The following CDK6 variants were observed in gnomAD, a reference collection of about 807,000 sequenced individuals.
CDK6 encodes cyclin-dependent kinase 6.
Under a neutral mutation model 37.1 loss-of-function variants are expected in CDK6, and 6 were observed. The observed-to-expected ratio is 0.16, with a 90% CI of 0.09 to 0.32. The LOEUF (loss-of-function observed/expected upper bound fraction) is 0.32, where lower values mean the gene tolerates loss of function less well. Among genes scored for constraint, CDK6 ranks in the 10% least tolerant of loss-of-function variants. The pLI is 1.00. For synonymous variants in CDK6, 160 were observed against 161.3 expected, an observed-to-expected ratio of 0.99 and a Z score of 0.06; for missense variants, 224 against 418.9, an observed-to-expected ratio of 0.53 and a Z score of 4.06.
At chr7:92,632,778 A>C (rs1464193921) in intron 5 of CDK6, among the ~76,000 whole-genome samples, 1 of 150,418 alleles carries the variant, frequency 6.6e-6, no homozygotes, top group African/African-American at 2.5e-5. Context: ...AAAAATAAAA[A>C]ATTTAAAAAG....
chr7:92,751,792 C>T (rs969933286), intron 3 of CDK6, among the ~76,000 whole-genome samples: 2 of 151,880 alleles, frequency 1.3e-5, no homozygotes, highest in Non-Finnish European at 2.9e-5. Flanking sequence ...TCATTTATAC[C>T]ATGTGGTTTA....
At chr7:92,788,733 T>A (rs1800206180) in intron 2 of CDK6, among the ~76,000 whole-genome samples, 1 of 152,094 alleles carries the variant, frequency 6.6e-6, no homozygotes, top group South Asian at 2.1e-4. Context: ...GAGAAGCAAC[T>A]CATCACACAC....
chr7:92,769,393 G>C (rs1038443388), intron 3 of CDK6, among the ~76,000 whole-genome samples: 4 of 152,088 alleles, frequency 2.6e-5, no homozygotes, highest in African/African-American at 9.7e-5. Context: ...GAGGCCATAT[G>C]GTCTTGAGCT....
At chr7:92,657,097 T>A (rs1796716012) in intron 5 of CDK6, among the ~76,000 whole-genome samples, 1 of 152,040 alleles carries the variant, frequency 6.6e-6, no homozygotes, top group Non-Finnish European at 1.5e-5. Flanking sequence ...ATGTGTATGT[T>A]TTTCTCTTAA....
At chr7:92,620,674 G>C (rs993167081) in intron 6 of CDK6, among the ~76,000 whole-genome samples, 1 of 152,060 alleles carries the variant, frequency 6.6e-6, no homozygotes, top group Non-Finnish European at 1.5e-5. Context: ...TTGGAAGGCC[G>C]AGGCAAGTGG....
intron 2 of CDK6, among the ~76,000 whole-genome samples, chr7:92,831,717 C>T (rs1171883309): frequency 6.6e-6 from 1 of 152,120 alleles, no homozygotes; most frequent in Admixed American, 6.6e-5. Context: ...CCATTTACTG[C>T]CTTATTTATA....
rs78025217 is a variant in CDK6, at chr7:92,717,383, G to C, written c.537+8243C>G. Among the ~76,000 whole-genome samples, 229 of 146,938 alleles carry C rather than the reference G, an allele frequency of 1.6e-3. 1 individual carries two copies. The highest frequency in any genetic ancestry group is 5.5e-3 in the African/African-American group (219 of 39,812). On this transcript the variant is annotated intron_variant, in intron 4 of 7. Transcript: ENST00000424848. ...AGGAAAGGGAAAGGGGAAGGAGAAG[G>C]GGAAAGGAAAGGAAAAAGGAAGGAA...
chr7:92,815,349 C>A (rs934002630), intron 2 of CDK6, among the ~76,000 whole-genome samples: 3 of 152,106 alleles, frequency 2.0e-5, no homozygotes, highest in African/African-American at 7.2e-5. Flanking sequence ...GAAATGAGAG[C>A]CAGCAGGGAG....
At chr7:92,774,629 G>A (rs1799801064) in intron 3 of CDK6, 67 bp downstream of exon 3, 12 of 1,357,230 alleles carry the variant, frequency 8.8e-6, no homozygotes, top group African/African-American at 3.0e-5. Flanking sequence ...CATAAGGAAA[G>A]AAAGCCATTG....
intron 5 of CDK6, among the ~76,000 whole-genome samples, chr7:92,647,606 G>T (rs1796480956): frequency 6.6e-6 from 1 of 152,244 alleles, no homozygotes; most frequent in South Asian, 2.1e-4. Context: ...TTTATTGAAT[G>T]CTGACTATGT....
intron 2 of CDK6, among the ~76,000 whole-genome samples, chr7:92,826,638 C>G (rs769131941): frequency 6.6e-6 from 1 of 152,006 alleles, no homozygotes. Flanking sequence ...AAAGCCAAAG[C>G]AAGTACAATA....
intron 5 of CDK6, among the ~76,000 whole-genome samples, chr7:92,625,360 A>G (rs933028508): frequency 6.6e-6 from 1 of 152,012 alleles, no homozygotes; most frequent in Non-Finnish European, 1.5e-5. Context: ...GGTGAGGTCC[A>G]AGTCACATTT....
chr7:92,775,982 T>C (rs1323746256), intron 2 of CDK6, among the ~76,000 whole-genome samples: 1 of 152,152 alleles, frequency 6.6e-6, no homozygotes, highest in Non-Finnish European at 1.5e-5. Flanking sequence ...TACATAGGTA[T>C]ACACGTGCTA....
intron 4 of CDK6, among the ~76,000 whole-genome samples, chr7:92,698,976 A>G (rs1024839795): frequency 6.6e-6 from 1 of 152,200 alleles, no homozygotes; most frequent in Non-Finnish European, 1.5e-5. Context: ...GCATGCTACT[A>G]TTATAAAGAA....
rs192660194 is a variant in CDK6, at chr7:92,608,392, C to T, written c.*6748G>A. 2.0e-4 allele frequency: 46 copies of T among 231,268 alleles called. 1 individual carries two copies. Among genetic ancestry groups the T allele is most frequent in the Middle Eastern group, 2.6e-3 (2 of 776 alleles). 14.3% of individuals were successfully genotyped at this position (231,268 alleles called of 1,614,324 possible). A position where few individuals can be genotyped will look rare whatever the true frequency, so the allele number is the denominator to read the frequency against. On this transcript the variant is annotated 3_prime_UTR_variant, in exon 8 of 8. Coordinates refer to ENST00000424848, the MANE Select transcript of CDK6 (RefSeq NM_001145306.2). ...AAAAAGAGAGAAAAGAAACTGGAAG[C>T]TAAAGAATTGAGAGCTTTTGCCAAC...
At chr7:92,651,007 A>C (rs1371071713) in intron 5 of CDK6, among the ~76,000 whole-genome samples, 2 of 151,814 alleles carry the variant, frequency 1.3e-5, no homozygotes, top group East Asian at 3.9e-4. Context: ...CTCCTGCCTC[A>C]GCCTCCCGAG....
intron 2 of CDK6, among the ~76,000 whole-genome samples, chr7:92,825,698 C>T (rs369888914): frequency 8.5e-5 from 13 of 152,188 alleles, no homozygotes; most frequent in African/African-American, 3.1e-4. Flanking sequence ...AGGTTTTCCA[C>T]TATTGAAAGC....
At chr7:92,626,142 T>C (rs1030113967) in intron 5 of CDK6, among the ~76,000 whole-genome samples, 9 of 152,054 alleles carry the variant, frequency 5.9e-5, no homozygotes, top group African/African-American at 1.9e-4. Flanking sequence ...CTGATCTACT[T>C]AGTACACACT....
At chr7:92,698,075 C>A (rs1188639097) in intron 4 of CDK6, among the ~76,000 whole-genome samples, 1 of 151,964 alleles carries the variant, frequency 6.6e-6, no homozygotes, top group Non-Finnish European at 1.5e-5. Flanking sequence ...AAAAAAAAAA[C>A]TGCTGTGAAA....
Sources: gnomAD v4.1 joint callset for allele counts (sites outside exome capture counted in the v4.1 genomes callset) on GRCh38, gnomAD v4.1.1 for gene constraint, MANE v1.5 for transcripts, NCBI Gene and HGNC (gene_info 2026-07-23, HGNC 2026-07-21) for gene names.